Variants in ELP2 observed in about 807,000 individuals in gnomAD.
ELP2 encodes the protein elongator complex protein 2.
In ELP2, 90 loss-of-function variants were observed where a neutral mutation model predicts 119.2. The observed-to-expected ratio is 0.75, with a 90% CI of 0.64 to 0.90. ELP2 has a LOEUF of 0.90. Ranked by LOEUF, ELP2 falls within the 40% of genes least tolerant of loss-of-function variation. The pLI is 0.00. For missense variants in ELP2, 921 were observed against 967.8 expected (o/e 0.95, Z 0.64); for synonymous variants, 339 against 331.0 (o/e 1.02, Z -0.26).
At chr18:36,133,337 A>T (rs2089703793) in intron 2 of ELP2, 21 bp downstream of exon 2, 1 of 1,556,174 alleles carries the variant, frequency 6.4e-7, no homozygotes, top group African/African-American at 1.4e-5. Flanking sequence ...ACCAGATTTT[A>T]AAGTTGATCT....
rs372231161 is a variant in ELP2, at chr18:36,154,838, C to T, written c.1126-12C>T. 4.3e-6 allele frequency: 7 copies of T among 1,613,834 alleles called. No individual in the cohort carries two copies. In the African/African-American group the frequency reaches 8.0e-5, roughly 18 times the overall value. On this transcript the variant is annotated splice_polypyrimidine_tract_variant and intron_variant, in intron 11 of 21. Transcript: ENST00000358232. ...AGTATTTTGATATGTGATATGAGCA[C>T]TTCCATTGCAGAGAGAGTGGACTCC...
At chr18:36,130,243 C>A (rs2089555718) in intron 1 of ELP2, among the ~76,000 whole-genome samples, 172 bp downstream of exon 1, 1 of 152,174 alleles carries the variant, frequency 6.6e-6, no homozygotes, top group Non-Finnish European at 1.5e-5. Context: ...TCGCTCCTCA[C>A]CCCTCACCCT....
chr18:36,135,496 A>C (rs1330400830), intron 2 of ELP2, among the ~76,000 whole-genome samples: 4 of 152,218 alleles, frequency 2.6e-5, no homozygotes, highest in Admixed American at 2.0e-4. Flanking sequence ...TTCTGAGTTC[A>C]AATCTAATGC....
chr18:36,156,543 G>A lies in ELP2; in HGVS notation c.1353G>A (p.Gln451=), dbSNP rs926958386. 1 of 1,614,116 alleles carries A rather than the reference G, an allele frequency of 6.2e-7. No individual in the cohort carries two copies. Among genetic ancestry groups the A allele is most frequent in the Admixed American group, 1.7e-5 (1 of 60,012 alleles). The part of the protein sequence containing the change: ...LKCLAMINRF[Q]FVSGADEKVL... ...GTTTGGCAATGATTAATCGGTTTCAGTTTGTATCTGGAGCAGATGAAAAAG... is the reference window on the plus strand; with the variant it reads ...GTTTGGCAATGATTAATCGGTTTCAATTTGTATCTGGAGCAGATGAAAAAG... The change falls in exon 13 of 22, where the codon CAG becomes CAA. Residue 451 remains glutamine (Q), a synonymous_variant. Coordinates refer to ENST00000358232, the MANE Select transcript of ELP2 (RefSeq NM_018255.4).
chr18:36,143,423 T>A (rs1370872866), intron 8 of ELP2, among the ~76,000 whole-genome samples: 3 of 4,724 alleles, frequency 6.4e-4, no homozygotes, highest in Non-Finnish European at 8.4e-4. Flanking sequence ...TGCCTGGCCT[T>A]TTTTTTTTTT....
At chr18:36,135,986 C>T (rs2089809712) in intron 2 of ELP2, among the ~76,000 whole-genome samples, 1 of 152,102 alleles carries the variant, frequency 6.6e-6, no homozygotes, top group Admixed American at 6.5e-5. Context: ...TATAATAATA[C>T]TTATCAATGT....
rs895291065 is a variant in ELP2, at chr18:36,170,883, T to A, written c.2211-164T>A. 4.5e-6 allele frequency: 3 copies of A among 667,468 alleles called. No individual in the cohort carries two copies. In the African/African-American group the frequency reaches 5.4e-5, roughly 12 times the overall value. 41.3% of individuals were successfully genotyped at this position (667,468 alleles called of 1,614,324 possible). ...GCAGCCCCTGTAAAGAGGAGGCTCC[T>A]TGAGGACACAGGAGAGCAGTGCAGC... On this transcript the variant is annotated intron_variant, in intron 20 of 21. Coordinates refer to ENST00000358232, the MANE Select transcript of ELP2 (RefSeq NM_018255.4).
rs77729794 is a variant in ELP2 at position 36,133,222 on chromosome 18, A to G, written c.139-16A>G. The stretch of plus-strand genomic sequence containing the variant: ...GGATAAATTCCAGTTTACTAACTGT[A>G]TTTTCTTCTCTAAAGAAAAGGGTTG... On this transcript the variant is annotated splice_polypyrimidine_tract_variant and intron_variant, in intron 1 of 21. Transcript: ENST00000358232. The G allele has an allele frequency of 7.5e-4, 1,182 of 1,579,650 alleles. 11 individuals carry two copies. In the African/African-American group the frequency reaches 0.014, roughly 19 times the overall value.
At position 36,158,868 on chromosome 18, in the gene ELP2, C is replaced by G. The variant is rs754023304; in HGVS notation, c.1498C>G (p.Pro500Ala). The G allele has an allele frequency of 3.7e-6, 6 of 1,611,426 alleles. No individual in the cohort carries two copies. The highest frequency in any genetic ancestry group is 1.3e-5 in the African/African-American group (1 of 74,958). ...DSDLPEGATVPALGLSNKAVF... is the reference protein window; with the variant it reads ...DSDLPEGATVAALGLSNKAVF... ...TGATCTTCCAGAAGGAGCCACTGTC[C>G]CTGCATTGGGATTATCAAATAAAGC... The change falls in exon 14 of 22, where the codon CCT (proline) becomes GCT (alanine). Residue 500 changes from proline to alanine, a missense_variant. Transcript: ENST00000358232.
Position 36,136,294 on chromosome 18 carries a change from T to C in ELP2, c.218-13T>C, listed in dbSNP as rs760286494. ...ATGAATAAAGATATTTACTGAGATA[T>C]AATTTTTTTCAGCCCCTTCTACTGA... is the stretch of plus-strand genomic sequence containing the variant. On this transcript the variant is annotated splice_polypyrimidine_tract_variant and intron_variant, in intron 2 of 21. Coordinates refer to ENST00000358232, the MANE Select transcript of ELP2 (RefSeq NM_018255.4). 17 of 1,596,840 alleles carry C rather than the reference T, an allele frequency of 1.1e-5. No individual in the cohort carries two copies. The highest frequency in any genetic ancestry group is 2.2e-5 in the East Asian group (1 of 44,796).
At chr18:36,145,884 T>C in intron 9 of ELP2, 64 bp from the exon 10 acceptor site, 1 of 1,383,516 alleles carries the variant, frequency 7.2e-7, no homozygotes, top group Non-Finnish European at 1.0e-6. Context: ...TTGTTGTTTT[T>C]TTCTGGTCAT....
At chr18:36,148,296 T>C (rs1451274098) in intron 11 of ELP2, among the ~76,000 whole-genome samples, 1 of 151,926 alleles carries the variant, frequency 6.6e-6, no homozygotes, top group Non-Finnish European at 1.5e-5. Flanking sequence ...GGCTTCATGG[T>C]TTTAGCACCT....
At chr18:36,150,642 T>C (rs1443202699) in intron 11 of ELP2, among the ~76,000 whole-genome samples, 2 of 152,236 alleles carry the variant, frequency 1.3e-5, no homozygotes, top group South Asian at 2.1e-4. Context: ...GGAGAATTTA[T>C]CCTTCCCAGC....
chr18:36,136,096 GC>G lies in ELP2; in HGVS notation c.218-209del, dbSNP rs201147581. On this transcript the variant is annotated intron_variant, in intron 2 of 21. Transcript: ENST00000358232. ...TTGAGGATCAGAGATCACAGTGTCT[GC>G]CACTTATTTTTAAGTAGTTTGCCTC... is the stretch of plus-strand genomic sequence containing the variant. Among the ~76,000 whole-genome samples, 456 of 152,232 alleles carry G rather than the reference GC, an allele frequency of 3.0e-3. 11 individuals carry two copies. The highest frequency in any genetic ancestry group is 0.023 in the Admixed American group (354 of 15,280).
chr18:36,153,989 C>G (rs1158319614), intron 11 of ELP2, among the ~76,000 whole-genome samples: 1 of 150,564 alleles, frequency 6.6e-6, no homozygotes, highest in African/African-American at 2.4e-5. Context: ...TTGCTCAAAA[C>G]TTTTTGTAAA....
intron 18 of ELP2, among the ~76,000 whole-genome samples, chr18:36,166,685 A>G (rs2090919097): frequency 6.6e-6 from 1 of 152,102 alleles, no homozygotes; most frequent in Non-Finnish European, 1.5e-5. Flanking sequence ...CTTCCCTTAC[A>G]CTTAAATCTT....
intron 11 of ELP2, 109 bp downstream of exon 11, chr18:36,146,490 G>C: frequency 8.2e-7 from 1 of 1,215,588 alleles, no homozygotes; most frequent in Non-Finnish European, 1.2e-6. Flanking sequence ...GGCACTTGAA[G>C]TTCAAGTGAC....
intron 21 of ELP2, among the ~76,000 whole-genome samples, chr18:36,173,737 T>C (rs1299137454): frequency 6.6e-6 from 1 of 152,220 alleles, no homozygotes; most frequent in Non-Finnish European, 1.5e-5. Context: ...TGCTCTGGTA[T>C]TGTTTTCAGT....
At chr18:36,174,376 AT>A in intron 21 of ELP2, 108 bp from the exon 22 acceptor site, 1 of 1,067,718 alleles carries the variant, frequency 9.4e-7, no homozygotes, top group Non-Finnish European at 1.4e-6. Flanking sequence ...TAAAATGTTA[AT>A]GATGCGATTT....
Sources: gnomAD v4.1 joint callset for allele counts (sites outside exome capture counted in the v4.1 genomes callset) on GRCh38, gnomAD v4.1.1 for gene constraint, MANE v1.5 for transcripts, NCBI Gene and HGNC (gene_info 2026-07-23, HGNC 2026-07-21) for gene names.